MAMDC2: variants seen among roughly 807,000 people sequenced by gnomAD.
MAMDC2 encodes the protein MAM domain-containing protein 2.
In MAMDC2, 57 loss-of-function variants were observed where a neutral mutation model predicts 89.8. That is an observed-to-expected ratio of 0.63 (90% CI 0.51 to 0.79). MAMDC2 has a LOEUF of 0.79. Among genes scored for constraint, MAMDC2 ranks in the 30% least tolerant of loss-of-function variants. MAMDC2 has a pLI of 0.00. For missense variants in MAMDC2, 800 were observed against 820.6 expected (o/e 0.97, Z 0.31); for synonymous variants, 313 against 293.4 (o/e 1.07, Z -0.68).
At chr9:70,070,760 T>C (rs1827384582) in intron 2 of MAMDC2, among the ~76,000 whole-genome samples, 1 of 152,154 alleles carries the variant, frequency 6.6e-6, no homozygotes, top group Admixed American at 6.5e-5. Context: ...TTGCCTACTG[T>C]ACTTACTGTC....
chr9:70,116,597 G>A (rs1265414797), intron 5 of MAMDC2, among the ~76,000 whole-genome samples: 1 of 151,328 alleles, frequency 6.6e-6, no homozygotes, highest in Non-Finnish European at 1.5e-5. Flanking sequence ...CTTGCCTAAT[G>A]CTATTTACCA....
chr9:70,109,607 A>G (rs956133816), intron 3 of MAMDC2, 113 bp from the exon 4 acceptor site: 1 of 785,654 alleles, frequency 1.3e-6, no homozygotes, highest in African/African-American at 1.7e-5. Flanking sequence ...GAGACTAACA[A>G]TCCTGTTTTG....
At chr9:70,075,365 T>A (rs1271032292) in intron 2 of MAMDC2, among the ~76,000 whole-genome samples, 3 of 152,218 alleles carry the variant, frequency 2.0e-5, no homozygotes, top group Non-Finnish European at 4.4e-5. Flanking sequence ...TGAAATCACC[T>A]GCACCAGAAT....
intron 2 of MAMDC2, among the ~76,000 whole-genome samples, chr9:70,103,509 C>T (rs1017002879): frequency 2.0e-5 from 3 of 150,994 alleles, no homozygotes; most frequent in Non-Finnish European, 2.9e-5. Context: ...AAGATCTAAA[C>T]GTAAAAGCTG....
rs1456857180 is a variant in MAMDC2 at position 70,126,312 on chromosome 9, G to C, written c.797G>C (p.Arg266Pro). ...GACAATGTCTTTTCCCTTTACACTC[G>C]GGATGTGGCTGGCCTTTACGAGGAA... ...GNDNVFSLYT[R>P]DVAGLYEEIW... Residue 266 changes from arginine (R) to proline (P), a missense_variant, in exon 6 of 14, where the codon CGG (arginine) becomes CCG (proline). Transcript: ENST00000377182. 1.1e-5 allele frequency: 18 copies of C among 1,614,002 alleles called. No homozygotes were observed. Among genetic ancestry groups the C allele is most frequent in the Non-Finnish European group, 1.4e-5 (17 of 1,180,034 alleles).
At position 70,109,810 on chromosome 9, in the gene MAMDC2, T is replaced by G. The variant is rs1188896121; in HGVS notation, c.505+6T>G. The G allele has an allele frequency of 2.5e-6, 4 of 1,607,756 alleles. No individual in the cohort carries two copies. Among genetic ancestry groups the G allele is most frequent in the Admixed American group, 1.7e-5 (1 of 59,862 alleles). ...GACAACCGGCTACTGTATTGGTAAG[T>G]GGGCTTCATTTTCATTAAATCAAAT... On this transcript the variant is annotated splice_donor_region_variant and intron_variant, in intron 4 of 13. Transcript: ENST00000377182.
At chr9:70,114,077 A>G (rs4744978) in intron 5 of MAMDC2, among the ~76,000 whole-genome samples, 95,386 of 150,530 alleles carry the variant, frequency 0.63, 30,972 homozygotes, top group Non-Finnish European at 0.7. Context: ...AATATATTTA[A>G]CCATGTCTCC....
At chr9:70,072,899 A>G (rs868334748) in intron 2 of MAMDC2, among the ~76,000 whole-genome samples, 1 of 152,184 alleles carries the variant, frequency 6.6e-6, no homozygotes, top group South Asian at 2.1e-4. Context: ...GCAGTGGTGC[A>G]ATCTCGGCTC....
intron 11 of MAMDC2, among the ~76,000 whole-genome samples, chr9:70,185,741 C>T (rs1397591536): frequency 6.6e-6 from 1 of 152,166 alleles, no homozygotes; most frequent in East Asian, 1.9e-4. Context: ...CACCAAACTC[C>T]ATCATCCCAG....
At chr9:70,100,285 C>T (rs1354202083) in intron 2 of MAMDC2, among the ~76,000 whole-genome samples, 1 of 152,166 alleles carries the variant, frequency 6.6e-6, no homozygotes, top group Non-Finnish European at 1.5e-5. Flanking sequence ...AATTAACTTG[C>T]CCAAAGTGAC....
intron 2 of MAMDC2, among the ~76,000 whole-genome samples, chr9:70,053,653 TAG>T (rs1408124746): frequency 1.3e-5 from 2 of 152,156 alleles, no homozygotes; most frequent in African/African-American, 4.8e-5. Context: ...ACAGGAAGTA[TAG>T]AGAGCAATAT....
At chr9:70,215,305 G>A (rs1013771784) in intron 11 of MAMDC2, among the ~76,000 whole-genome samples, 6 of 152,150 alleles carry the variant, frequency 3.9e-5, no homozygotes, top group South Asian at 4.1e-4. Flanking sequence ...ACTCGAGTTC[G>A]TAATGAGGAT....
At chr9:70,103,488 A>G (rs574723551) in intron 2 of MAMDC2, among the ~76,000 whole-genome samples, 1 of 152,152 alleles carries the variant, frequency 6.6e-6, no homozygotes, top group Non-Finnish European at 1.5e-5. Context: ...CAACGGGCAA[A>G]AATTAGATCA....
intron 11 of MAMDC2, among the ~76,000 whole-genome samples, chr9:70,206,634 T>A (rs1055793383): frequency 1.4e-4 from 22 of 152,152 alleles, no homozygotes; most frequent in African/African-American, 4.8e-4. Context: ...TATATCTTTT[T>A]TTATTATTAT....
chr9:70,055,537 C>T (rs1289255724), intron 2 of MAMDC2, among the ~76,000 whole-genome samples: 1 of 152,170 alleles, frequency 6.6e-6, no homozygotes, highest in African/African-American at 2.4e-5. Context: ...CGCTTCTCTG[C>T]AGAAGGTGGG....
intron 9 of MAMDC2, among the ~76,000 whole-genome samples, chr9:70,157,005 T>C (rs1017103693): frequency 3.3e-5 from 5 of 152,232 alleles, no homozygotes; most frequent in South Asian, 2.1e-4. Context: ...TCATGGAACA[T>C]TGTTGGATCA....
At position 70,148,682 on chromosome 9, in the gene MAMDC2, G is replaced by A. The variant is rs1389420644; in HGVS notation, c.1404+4863G>A. On this transcript the variant is annotated intron_variant, in intron 9 of 13. Transcript: ENST00000377182. ...GGCCGAGACAGGCATATCATCTGAG[G>A]TCAGGAGTTGGAGACCAGCCTAGCC... 1.3e-5 allele frequency among the ~76,000 whole-genome samples: 2 copies of A among 149,026 alleles called. 1 individual carries two copies. The highest frequency in any genetic ancestry group is 5.0e-5 in the African/African-American group (2 of 40,112).
intron 2 of MAMDC2, among the ~76,000 whole-genome samples, chr9:70,050,464 A>G (rs1826868333): frequency 6.6e-6 from 1 of 152,160 alleles, no homozygotes; most frequent in South Asian, 2.1e-4. Context: ...TGCTCTTTCA[A>G]GCTGTGTGGG....
At position 70,211,148 on chromosome 9, in the gene MAMDC2, T is replaced by C. The variant is rs1033895211; in HGVS notation, c.1652-7189T>C. On this transcript the variant is annotated intron_variant, in intron 11 of 13. Transcript: ENST00000377182. The stretch of plus-strand genomic sequence containing the variant: ...GAGTATCTTTGTGGCGTTCTCTGAA[T>C]TTCCTGAATTTCTATGTTGGCTTGC... 2.6e-5 allele frequency among the ~76,000 whole-genome samples: 4 copies of C among 152,326 alleles called. No homozygotes were observed. The South Asian group carries it at 8.3e-4, about 32-fold the overall frequency.
Sources: gnomAD v4.1 joint callset for allele counts (sites outside exome capture counted in the v4.1 genomes callset) on GRCh38, gnomAD v4.1.1 for gene constraint, MANE v1.5 for transcripts, NCBI Gene and HGNC (gene_info 2026-07-23, HGNC 2026-07-21) for gene names.